The following AP2A2 variants were observed in gnomAD, a reference collection of about 807,000 sequenced individuals.
AP2A2 encodes adaptor related protein complex 2 subunit alpha 2.
In AP2A2, 32 loss-of-function variants were observed where a neutral mutation model predicts 104.2. The ratio of observed to expected loss-of-function variants is 0.31; its 90% CI spans 0.23 to 0.41. The LOEUF (loss-of-function observed/expected upper bound fraction) is 0.41. Among genes scored for constraint, AP2A2 ranks in the 10% least tolerant of loss-of-function variants. The pLI, the probability that AP2A2 is intolerant of heterozygous loss-of-function variation, is 1.00. For synonymous variants in AP2A2, 539 were observed against 533.3 expected (o/e 1.01, Z -0.15); for missense variants, 912 against 1,261.0 (o/e 0.72, Z 4.19).
intron 1 of AP2A2, among the ~76,000 whole-genome samples, chr11:936,825 G>T (rs924063905): frequency 3.3e-5 from 5 of 152,130 alleles, no homozygotes; most frequent in Non-Finnish European, 5.9e-5. Flanking sequence ...CTACAAGGCA[G>T]CACCACCGCA....
intron 6 of AP2A2, among the ~76,000 whole-genome samples, chr11:982,882 C>G (rs1179766799): frequency 1.3e-5 from 2 of 151,936 alleles, no homozygotes; most frequent in Admixed American, 6.6e-5. Context: ...AACTCCTGAC[C>G]TCAGGTGATC....
In AP2A2 at chr11:959,505, G is replaced by A. The variant is rs1179062586; in HGVS notation, c.136G>A (p.Gly46Ser). 2 of 1,541,470 alleles carry A rather than the reference G, an allele frequency of 1.3e-6. No individual in the cohort carries two copies. Among genetic ancestry groups the A allele is most frequent in the Non-Finnish European group, 1.8e-6 (2 of 1,118,948 alleles). Residue 46 changes from glycine to serine, a missense_variant and splice_region_variant, in exon 2 of 22, where the codon GGT becomes AGT. Gly to Ser is a moderately conservative substitution (Grantham distance 56, BLOSUM62 0). Transcript: ENST00000448903. ...GGCAAATATCAGATCAAAATTTAAA[G>A]GTAAGTATGTTTAACCTTTTCCATG... is the stretch of plus-strand genomic sequence containing the variant. The part of the protein sequence containing the change: ...ELANIRSKFK[G>S]DKALDGYSKK...
chr11:975,506 G>A (rs564058705), intron 4 of AP2A2, among the ~76,000 whole-genome samples: 1 of 147,736 alleles, frequency 6.8e-6, no homozygotes, highest in South Asian at 2.2e-4. Context: ...TGGGGTCCTC[G>A]GTCTCCCTCT....
intron 1 of AP2A2, among the ~76,000 whole-genome samples, chr11:939,291 A>G (rs931833088): frequency 6.6e-6 from 1 of 151,850 alleles, no homozygotes; most frequent in Non-Finnish European, 1.5e-5. Flanking sequence ...ATTATAAAAC[A>G]TTGCCCCTGC....
At chr11:984,094 G>A (rs1420048609) in intron 6 of AP2A2, among the ~76,000 whole-genome samples, 1 of 152,252 alleles carries the variant, frequency 6.6e-6, no homozygotes, top group African/African-American at 2.4e-5. Context: ...CGGGCTGTAT[G>A]TCAGTGGAAA....
chr11:1,003,520 C>T (rs1363671977), intron 15 of AP2A2: 9 of 479,314 alleles, frequency 1.9e-5, no homozygotes, highest in Non-Finnish European at 3.3e-5. Flanking sequence ...GGGCTGTGTC[C>T]GCGTCCCTGC....
intron 1 of AP2A2, chr11:940,883 T>A (rs749923402): frequency 9.4e-5 from 43 of 456,074 alleles, no homozygotes; most frequent in South Asian, 6.7e-4. Flanking sequence ...CTCGACTCTC[T>A]TCTCTTGCTT....
At chr11:987,963 T>C (rs1182627175) in intron 9 of AP2A2, among the ~76,000 whole-genome samples, 1 of 152,270 alleles carries the variant, frequency 6.6e-6, no homozygotes, top group Non-Finnish European at 1.5e-5. Flanking sequence ...TTCTGGATTC[T>C]TCTTGGTCCT....
chr11:1,009,934 T>A, intron 21 of AP2A2, 117 bp downstream of exon 21: 1 of 1,305,888 alleles, frequency 7.7e-7, no homozygotes, highest in Non-Finnish European at 1.0e-6. Context: ...AGATGTTGTT[T>A]AACCACCACC....
chr11:994,544 CT>C (rs1366837039), intron 14 of AP2A2, among the ~76,000 whole-genome samples: 1 of 144,368 alleles, frequency 6.9e-6, no homozygotes, highest in Non-Finnish European at 1.5e-5. Flanking sequence ...GGACGCCCCC[CT>C]GGCCTGTCCC....
intron 10 of AP2A2, among the ~76,000 whole-genome samples, chr11:991,718 C>T (rs2133735504): frequency 7.2e-6 from 1 of 138,574 alleles, no homozygotes. Flanking sequence ...TGGGGGGGCA[C>T]AGTCACCAGC....
chr11:1,007,526 G>A, intron 17 of AP2A2: 1 of 183,634 alleles, frequency 5.4e-6, no homozygotes. Context: ...CCTGGACCCA[G>A]CTTTGCTGCT....
At chr11:984,315 T>C (rs1855371958) in intron 6 of AP2A2, among the ~76,000 whole-genome samples, 1 of 152,058 alleles carries the variant, frequency 6.6e-6, no homozygotes, top group Non-Finnish European at 1.5e-5. Context: ...GGGGTGCTTC[T>C]TCCTTCTGAG....
intron 15 of AP2A2, among the ~76,000 whole-genome samples, chr11:1,001,939 C>T (rs902638213): frequency 4.6e-5 from 7 of 152,152 alleles, no homozygotes; most frequent in African/African-American, 9.7e-5. Flanking sequence ...CAGGTGTCTG[C>T]GTGTGTTTGG....
chr11:962,489 G>A (rs1854474473), intron 2 of AP2A2, among the ~76,000 whole-genome samples: 1 of 152,180 alleles, frequency 6.6e-6, no homozygotes, highest in African/African-American at 2.4e-5. Context: ...ACCCAGCACT[G>A]TGGGAGGCTG....
intron 21 of AP2A2, 146 bp from the exon 22 acceptor site, chr11:1,010,402 G>A: frequency 1.6e-6 from 1 of 639,004 alleles, no homozygotes. Flanking sequence ...GACAGTGTGT[G>A]TGGTGCTCAG....
chr11:987,160 T>A (rs1467755508), intron 9 of AP2A2, among the ~76,000 whole-genome samples: 3 of 152,226 alleles, frequency 2.0e-5, no homozygotes, highest in Non-Finnish European at 4.4e-5. Context: ...TTGGCCCTGC[T>A]GTCCTGGTTA....
chr11:974,613 C>T lies in AP2A2; in HGVS notation c.473+2358C>T, dbSNP rs140981063. ...AGGAGAATCGCTTGAACCCAGGAGG[C>T]GGAGGCTGCAGTAAGTTGGAGATTG... On this transcript the variant is annotated intron_variant, in intron 4 of 21. Transcript: ENST00000448903. Among the ~76,000 whole-genome samples, 203 of 144,980 alleles carry T rather than the reference C, an allele frequency of 1.4e-3. 1 individual carries two copies. Among genetic ancestry groups the T allele is most frequent in the Admixed American group, 4.7e-3 (65 of 13,816 alleles).
chr11:953,086 T>C (rs2134534156), intron 1 of AP2A2, among the ~76,000 whole-genome samples: 2 of 152,356 alleles, frequency 1.3e-5, no homozygotes, highest in South Asian at 4.1e-4. Flanking sequence ...ATTTGGGACA[T>C]GGTAGTTGAC....
Sources: allele counts gnomAD v4.1 joint callset (sites outside exome capture counted in the v4.1 genomes callset), GRCh38; gene constraint gnomAD v4.1.1; transcripts MANE v1.5; gene names NCBI Gene and HGNC (gene_info 2026-07-23, HGNC 2026-07-21).